Variants in CEP350 observed in about 807,000 individuals in gnomAD.
CEP350 encodes the protein centrosome-associated protein 350.
In CEP350, 126 loss-of-function variants were observed where a neutral mutation model predicts 331.8. That is an observed-to-expected ratio of 0.38 (90% confidence interval 0.33 to 0.44). The LOEUF (loss-of-function observed/expected upper bound fraction) is 0.44, where lower values mean the gene tolerates loss of function less well. CEP350 is among the 20% of genes least tolerant of loss of function. The pLI, the probability that CEP350 is intolerant of heterozygous loss-of-function variation, is 1.00. For synonymous variants in CEP350, 1,200 were observed against 1,259.5 expected, an observed-to-expected ratio of 0.95 and a Z score of 1.00; for missense variants, 3,406 against 3,634.6, an observed-to-expected ratio of 0.94 and a Z score of 1.62.
At chr1:179,957,347 T>G (rs923329667) in intron 1 of CEP350, among the ~76,000 whole-genome samples, 1 of 152,180 alleles carries the variant, frequency 6.6e-6, no homozygotes, top group Admixed American at 6.5e-5. Context: ...GAGGCAAATT[T>G]TAGTGTTATA....
chr1:180,023,884 T>C (rs1655499555), intron 13 of CEP350, among the ~76,000 whole-genome samples: 1 of 152,122 alleles, frequency 6.6e-6, no homozygotes, highest in Non-Finnish European at 1.5e-5. Flanking sequence ...TTATACAAAT[T>C]AGTTAAATCT....
At chr1:180,027,152 G>A (rs1655732523) in intron 14 of CEP350, among the ~76,000 whole-genome samples, 1 of 152,162 alleles carries the variant, frequency 6.6e-6, no homozygotes, top group African/African-American at 2.4e-5. Context: ...ACATCCTAAT[G>A]GGCGTGAAAT....
chr1:179,964,551 A>G (rs772454152), intron 1 of CEP350, among the ~76,000 whole-genome samples: 1 of 151,974 alleles, frequency 6.6e-6, no homozygotes, highest in South Asian at 2.1e-4. Flanking sequence ...AACTGATTCA[A>G]TTTTGTAAAT....
intron 34 of CEP350, 113 bp downstream of exon 34, chr1:180,094,729 T>C (rs970304331): frequency 1.7e-6 from 2 of 1,148,342 alleles, no homozygotes; most frequent in Admixed American, 2.9e-5. Flanking sequence ...AGGTTTTTTT[T>C]CCCTTGACGT....
intron 5 of CEP350, among the ~76,000 whole-genome samples, chr1:179,994,567 C>T (rs549146204): frequency 5.7e-4 from 86 of 151,758 alleles, no homozygotes; most frequent in African/African-American, 2.1e-3. Flanking sequence ...CATCCTCCCA[C>T]CTCAGCTTCC....
chr1:180,002,637 A>G (rs1483325952), intron 6 of CEP350, among the ~76,000 whole-genome samples: 3 of 152,336 alleles, frequency 2.0e-5, no homozygotes, highest in African/African-American at 7.2e-5. Flanking sequence ...AAACATGTCT[A>G]CACAAGAATG....
At chr1:180,005,297 G>C (rs78359950) in intron 7 of CEP350, among the ~76,000 whole-genome samples, 1 of 151,768 alleles carries the variant, frequency 6.6e-6, no homozygotes, top group African/African-American at 2.4e-5. Context: ...AAATAAATGT[G>C]GTCATGATAT....
rs767457821 is a variant in CEP350, at chr1:180,014,461, T to G, written c.2008T>G (p.Leu670Val). 2 of 1,609,594 alleles carry G rather than the reference T, an allele frequency of 1.2e-6. No homozygotes were observed. The highest frequency in any genetic ancestry group is 4.5e-5 in the East Asian group (2 of 44,858). ...CTCCAAATTGCTACTAGAAAAGACC[T>G]TGCTTGAAGAGCCATCTCATCAACA... ...TYSKLLLEKT[L>V]LEEPSHQHVT... The change falls in exon 10 of 38, where the codon TTG becomes GTG. Residue 670 changes from leucine (L) to valine (V), a missense_variant. By Grantham distance (32) the Leu-to-Val change is conservative. Coordinates refer to ENST00000367607, the MANE Select transcript of CEP350 (RefSeq NM_014810.5).
At chr1:179,968,198 G>A (rs1651160205) in intron 1 of CEP350, among the ~76,000 whole-genome samples, 1 of 152,058 alleles carries the variant, frequency 6.6e-6, no homozygotes, top group Non-Finnish European at 1.5e-5. Flanking sequence ...GGGCATGATG[G>A]TATGTGCCTG....
At chr1:179,996,311 A>G (rs1653455288) in intron 5 of CEP350, among the ~76,000 whole-genome samples, 1 of 152,156 alleles carries the variant, frequency 6.6e-6, no homozygotes, top group Admixed American at 6.5e-5. Flanking sequence ...TTGTACTTTT[A>G]TGAAAAGCTT....
intron 7 of CEP350, among the ~76,000 whole-genome samples, chr1:180,004,598 CTCTT>C (rs1654083879): frequency 6.6e-6 from 1 of 152,198 alleles, no homozygotes; most frequent in African/African-American, 2.4e-5. Context: ...TTTGTCTCCT[CTCTT>C]TCTCTTAAAT....
intron 28 of CEP350, among the ~76,000 whole-genome samples, chr1:180,076,693 A>T (rs1010188587): frequency 1.3e-5 from 2 of 152,080 alleles, no homozygotes; most frequent in African/African-American, 4.8e-5. Flanking sequence ...GGAGGCTGAG[A>T]CATGAAAGTC....
chr1:180,086,009 C>G (rs1277331437), intron 31 of CEP350: 1 of 152,178 alleles, frequency 6.6e-6, no homozygotes, highest in South Asian at 2.1e-4. Context: ...ATACAGAGCT[C>G]ATAAATGGTG....
chr1:180,105,366 G>A (rs1261238667), intron 37 of CEP350, among the ~76,000 whole-genome samples: 4 of 151,924 alleles, frequency 2.6e-5, no homozygotes, highest in Non-Finnish European at 2.9e-5. Flanking sequence ...ACTACGATCT[G>A]TATGTTCACC....
intron 1 of CEP350, among the ~76,000 whole-genome samples, chr1:179,959,505 A>T (rs560037018): frequency 9.9e-5 from 15 of 152,252 alleles, no homozygotes; most frequent in Non-Finnish European, 1.6e-4. Context: ...CTATAATCCC[A>T]GCACTTTGGG....
chr1:180,093,781 C>T lies in CEP350; in HGVS notation c.7676C>T (p.Pro2559Leu). Residue 2559 changes from proline to leucine, a missense_variant, in exon 34 of 38, where the codon CCT (proline) becomes CTT (leucine). Coordinates refer to ENST00000367607, the MANE Select transcript of CEP350 (RefSeq NM_014810.5). ...AAAGAAAAGCATGGTATTTTTGCTC[C>T]TCCTCAAAAAATATCTCACATTCCA... is the stretch of plus-strand genomic sequence containing the variant. ...ECKEKHGIFAPPQKISHIPEN... is the reference protein window; with the variant it reads ...ECKEKHGIFALPQKISHIPEN... The T allele has an allele frequency of 1.2e-6, 2 of 1,613,674 alleles. No individual in the cohort carries two copies. Among genetic ancestry groups the T allele is most frequent in the Non-Finnish European group, 1.7e-6 (2 of 1,179,722 alleles).
intron 31 of CEP350, 121 bp downstream of exon 31, chr1:180,084,299 AT>A: frequency 1.1e-6 from 1 of 915,296 alleles, no homozygotes; most frequent in Non-Finnish European, 1.5e-6. Flanking sequence ...GTGGTGCCAC[AT>A]TTTATTCTCT....
At chr1:180,103,083 G>C (rs1024835436) in intron 37 of CEP350, among the ~76,000 whole-genome samples, 4 of 152,202 alleles carry the variant, frequency 2.6e-5, no homozygotes, top group Admixed American at 2.6e-4. Context: ...TTAAGAGGTG[G>C]TATCTGATTT....
At chr1:179,998,975 C>T (rs143096885) in intron 6 of CEP350, among the ~76,000 whole-genome samples, 2,301 of 152,106 alleles carry the variant, frequency 0.015, 34 homozygotes, top group Non-Finnish European at 0.021. Flanking sequence ...AATAACAACA[C>T]AATTCTCTAA....
Sources: gnomAD v4.1 joint callset for allele counts (sites outside exome capture counted in the v4.1 genomes callset) on GRCh38, gnomAD v4.1.1 for gene constraint, MANE v1.5 for transcripts, NCBI Gene and HGNC (gene_info 2026-07-23, HGNC 2026-07-21) for gene names.